Variants in TOM1L2 observed in about 807,000 individuals in gnomAD.
TOM1L2 encodes TOM1-like protein 2.
In TOM1L2, 31 loss-of-function variants were observed where a neutral mutation model predicts 67.9. The observed-to-expected ratio is 0.46, with a 90% CI of 0.34 to 0.62. TOM1L2 has a LOEUF of 0.62. TOM1L2 is among the 20% of genes least tolerant of loss of function. TOM1L2 has a pLI of 0.01. For missense variants in TOM1L2, 606 were observed against 663.5 expected (o/e 0.91, Z 0.95); for synonymous variants, 256 against 254.0 (o/e 1.01, Z -0.07).
intron 6 of TOM1L2, among the ~76,000 whole-genome samples, chr17:17,882,498 G>A (rs2037776342): frequency 6.6e-6 from 1 of 152,208 alleles, no homozygotes; most frequent in African/African-American, 2.4e-5. Flanking sequence ...ACAACTCTGA[G>A]CCCTTGGTTC....
At chr17:17,863,303 G>A (rs912075672) in intron 10 of TOM1L2, 1 of 160,628 alleles carries the variant, frequency 6.2e-6, no homozygotes, top group Non-Finnish European at 1.4e-5. Flanking sequence ...TCAGCTTCAA[G>A]AAGGTCAGAG....
At chr17:17,968,090 G>A (rs1452824400) in intron 1 of TOM1L2, among the ~76,000 whole-genome samples, 2 of 152,168 alleles carry the variant, frequency 1.3e-5, no homozygotes, top group African/African-American at 4.8e-5. Flanking sequence ...TGAGGCCCAC[G>A]CATAAGACAG....
chr17:17,946,610 T>C (rs1263343443), intron 1 of TOM1L2, among the ~76,000 whole-genome samples: 1 of 152,218 alleles, frequency 6.6e-6, no homozygotes, highest in African/African-American at 2.4e-5. Context: ...TAAAGTTAAG[T>C]CTGTTTTTTG....
chr17:17,945,290 A>ACACT (rs1157214910), intron 1 of TOM1L2, among the ~76,000 whole-genome samples: 15 of 146,514 alleles, frequency 1.0e-4, no homozygotes, highest in African/African-American at 2.8e-4. Context: ...ACACACACAC[A>ACACT]CTCTCTCTCT....
intron 1 of TOM1L2, among the ~76,000 whole-genome samples, chr17:17,950,593 G>C: frequency 6.6e-6 from 1 of 152,172 alleles, no homozygotes; most frequent in East Asian, 1.9e-4. Flanking sequence ...TAATGAGAGT[G>C]AGTCTTGGCG....
intron 1 of TOM1L2, among the ~76,000 whole-genome samples, chr17:17,928,932 A>C (rs2040211614): frequency 6.6e-6 from 1 of 152,236 alleles, no homozygotes; most frequent in African/African-American, 2.4e-5. Flanking sequence ...CAGCAAGGCA[A>C]AACAAAATCA....
intron 1 of TOM1L2, among the ~76,000 whole-genome samples, chr17:17,908,561 T>C (rs2039197691): frequency 6.6e-6 from 1 of 152,146 alleles, no homozygotes; most frequent in African/African-American, 2.4e-5. Flanking sequence ...ATATCCAGAC[T>C]ACGTAAAGAA....
chr17:17,961,413 A>T (rs908337396), intron 1 of TOM1L2, among the ~76,000 whole-genome samples: 1 of 150,630 alleles, frequency 6.6e-6, no homozygotes, highest in Non-Finnish European at 1.5e-5. Context: ...CAAAAAAATA[A>T]TTTTTTTTTT....
At chr17:17,869,211 C>A in intron 8 of TOM1L2, 129 bp downstream of exon 8, 1 of 1,510,184 alleles carries the variant, frequency 6.6e-7, no homozygotes, top group Admixed American at 2.2e-5. Context: ...ATTAGCATCT[C>A]TGATGAGTAT....
chr17:17,918,460 C>CTG (rs2144579348), intron 1 of TOM1L2, among the ~76,000 whole-genome samples: 1 of 152,262 alleles, frequency 6.6e-6, no homozygotes, highest in Admixed American at 6.5e-5. Context: ...TTTTACAAAA[C>CTG]ACAGTCATAC....
intron 1 of TOM1L2, among the ~76,000 whole-genome samples, chr17:17,915,663 GCAC>G (rs2039596851): frequency 6.6e-6 from 1 of 151,948 alleles, no homozygotes; most frequent in Non-Finnish European, 1.5e-5. Flanking sequence ...CTTCAGGGAT[GCAC>G]CACCACAACT....
chr17:17,970,073 G>C (rs957148545), intron 1 of TOM1L2, among the ~76,000 whole-genome samples: 1 of 151,718 alleles, frequency 6.6e-6, no homozygotes, highest in Non-Finnish European at 1.5e-5. Flanking sequence ...TTTGTTTTTT[G>C]AGACAGAGTC....
chr17:17,880,826 T>C (rs992920805), intron 6 of TOM1L2, among the ~76,000 whole-genome samples: 4 of 152,226 alleles, frequency 2.6e-5, no homozygotes, highest in African/African-American at 9.6e-5. Context: ...CCCTTGTTCC[T>C]GCTCAAAGGT....
chr17:17,968,929 C>G (rs547890933), intron 1 of TOM1L2, among the ~76,000 whole-genome samples: 15 of 152,286 alleles, frequency 9.8e-5, no homozygotes, highest in Admixed American at 9.2e-4. Context: ...TCACCCCAGC[C>G]TCTTCTGAAT....
At chr17:17,945,290 A>T (rs7221575) in intron 1 of TOM1L2, among the ~76,000 whole-genome samples, 71,924 of 146,130 alleles carry the variant, frequency 0.49, 18,319 homozygotes, top group East Asian at 0.84. Context: ...ACACACACAC[A>T]CTCTCTCTCT....
chr17:17,862,951 C>T, intron 10 of TOM1L2, 103 bp from the exon 11 acceptor site: 2 of 456,572 alleles, frequency 4.4e-6, no homozygotes, highest in Admixed American at 2.6e-5. Flanking sequence ...GGTTTAGGTT[C>T]CATGGGGAGG....
chr17:17,967,914 T>C (rs572034790), intron 1 of TOM1L2, among the ~76,000 whole-genome samples: 11 of 152,254 alleles, frequency 7.2e-5, no homozygotes, highest in Non-Finnish European at 1.5e-4. Context: ...TCCAGCTTAC[T>C]CTCTCCCTAA....
intron 7 of TOM1L2, among the ~76,000 whole-genome samples, chr17:17,875,102 C>T (rs2037355360): frequency 6.6e-6 from 1 of 151,864 alleles, no homozygotes; most frequent in African/African-American, 2.4e-5. Flanking sequence ...ACTAAAAATA[C>T]AAAAATTAGC....
intron 3 of TOM1L2, among the ~76,000 whole-genome samples, chr17:17,894,088 T>C (rs1024753563): frequency 6.6e-6 from 1 of 152,196 alleles, no homozygotes; most frequent in Non-Finnish European, 1.5e-5. Flanking sequence ...ATGAGAAGGA[T>C]GCTAGTGTTT....
Sources: allele counts gnomAD v4.1 joint callset (sites outside exome capture counted in the v4.1 genomes callset), GRCh38; gene constraint gnomAD v4.1.1; transcripts MANE v1.5; gene names NCBI Gene and HGNC (gene_info 2026-07-23, HGNC 2026-07-21).